Variants in LUZP2 observed in about 807,000 individuals in gnomAD.
The protein encoded by LUZP2 is leucine zipper protein 2.
A neutral mutation model predicts 51.6 loss-of-function variants in LUZP2; 52 were observed. The ratio of observed to expected loss-of-function variants is 1.01; its 90% CI spans 0.81 to 1.27. The LOEUF (loss-of-function observed/expected upper bound fraction) is 1.27, where lower values mean the gene tolerates loss of function less well. LUZP2 is among the 50% of genes most tolerant of loss of function. The probability of loss-of-function intolerance (pLI) is 0.00; values close to 1 mark genes in which losing one functional copy is unlikely to be tolerated. For missense variants in LUZP2, 436 were observed against 395.4 expected (o/e 1.10, Z -0.87); for synonymous variants, 154 against 137.3 (o/e 1.12, Z -0.85).
chr11:24,657,450 G>T (rs1460029450), intron 1 of LUZP2, among the ~76,000 whole-genome samples: 1 of 152,126 alleles, frequency 6.6e-6, no homozygotes, highest in East Asian at 1.9e-4. Flanking sequence ...AGCTATCTAT[G>T]ACAAACTCAC....
intron 1 of LUZP2, among the ~76,000 whole-genome samples, chr11:24,507,471 A>T (rs924722034): frequency 3.3e-5 from 5 of 152,102 alleles, no homozygotes; most frequent in African/African-American, 4.8e-5. Context: ...GAAAATAATT[A>T]TCCGCCTCAC....
At chr11:24,907,520 A>C (rs1487462945) in intron 6 of LUZP2, among the ~76,000 whole-genome samples, 1 of 152,128 alleles carries the variant, frequency 6.6e-6, no homozygotes, top group Non-Finnish European at 1.5e-5. Context: ...ATTTGAATAC[A>C]AATAGACTTG....
intron 8 of LUZP2, 44 bp downstream of exon 8, chr11:24,976,709 A>C (rs1280437202): frequency 6.2e-4 from 8 of 12,870 alleles, no homozygotes; most frequent in South Asian, 1.1e-3. Context: ...GTTTTAGCAA[A>C]AAAAAAAAAA....
chr11:25,006,684 G>A (rs940621929), intron 9 of LUZP2, among the ~76,000 whole-genome samples: 1 of 152,144 alleles, frequency 6.6e-6, no homozygotes, highest in Non-Finnish European at 1.5e-5. Flanking sequence ...CTCACCACTT[G>A]GCGATAGTCG....
chr11:24,607,997 C>T (rs925847389), intron 1 of LUZP2, among the ~76,000 whole-genome samples: 1 of 151,612 alleles, frequency 6.6e-6, no homozygotes, highest in African/African-American at 2.4e-5. Context: ...TACAGATGTC[C>T]GCCACCACGC....
At chr11:24,867,853 T>C (rs977757788) in intron 5 of LUZP2, among the ~76,000 whole-genome samples, 4 of 152,200 alleles carry the variant, frequency 2.6e-5, no homozygotes, top group African/African-American at 9.6e-5. Flanking sequence ...CTTTTTAAAA[T>C]GTAAATTTGG....
At chr11:24,879,586 T>G (rs1393922859) in intron 5 of LUZP2, among the ~76,000 whole-genome samples, 5 of 152,172 alleles carry the variant, frequency 3.3e-5, no homozygotes, top group African/African-American at 1.2e-4. Flanking sequence ...ATCTACTGTT[T>G]CCTGACTTTT....
chr11:24,895,870 G>T (rs1484547796), intron 5 of LUZP2, among the ~76,000 whole-genome samples: 1 of 152,176 alleles, frequency 6.6e-6, no homozygotes, highest in African/African-American at 2.4e-5. Context: ...TGGGATTGCT[G>T]AGTTGAACGG....
chr11:24,950,040 G>A (rs1054114150), intron 7 of LUZP2, among the ~76,000 whole-genome samples: 1 of 149,392 alleles, frequency 6.7e-6, no homozygotes, highest in Admixed American at 6.7e-5. Flanking sequence ...GTAATGGGTG[G>A]ATACCCATGA....
intron 1 of LUZP2, among the ~76,000 whole-genome samples, chr11:24,623,500 C>T (rs1259363581): frequency 6.6e-6 from 1 of 150,994 alleles, no homozygotes; most frequent in African/African-American, 2.4e-5. Flanking sequence ...AGATGGTCTA[C>T]TCCTTGTGAG....
chr11:24,581,521 A>T (rs1279942993), intron 1 of LUZP2, among the ~76,000 whole-genome samples: 1 of 125,880 alleles, frequency 7.9e-6, no homozygotes, highest in Non-Finnish European at 1.9e-5. Flanking sequence ...AAATACAAAA[A>T]TTACCCAGGT....
At chr11:24,757,074 G>A (rs762447239) in intron 4 of LUZP2, among the ~76,000 whole-genome samples, 12 of 152,182 alleles carry the variant, frequency 7.9e-5, no homozygotes, top group Non-Finnish European at 1.2e-4. Context: ...TGGGCATGTG[G>A]CCCACCAGGA....
At chr11:24,545,165 G>A (rs2133729786) in intron 1 of LUZP2, among the ~76,000 whole-genome samples, 1 of 149,320 alleles carries the variant, frequency 6.7e-6, no homozygotes, top group South Asian at 2.1e-4. Flanking sequence ...AATAGAAGTT[G>A]GATACTAGAT....
intron 5 of LUZP2, among the ~76,000 whole-genome samples, chr11:24,844,791 G>A (rs1851147346): frequency 6.6e-6 from 1 of 152,196 alleles, no homozygotes; most frequent in Non-Finnish European, 1.5e-5. Flanking sequence ...TGGCTTCAGA[G>A]GGTACAAGCC....
intron 7 of LUZP2, among the ~76,000 whole-genome samples, chr11:24,936,422 T>C (rs931876026): frequency 2.0e-5 from 3 of 152,204 alleles, no homozygotes; most frequent in Non-Finnish European, 2.9e-5. Flanking sequence ...ACCTTCACAA[T>C]GGAAGGCCGG....
chr11:24,738,580 G>C (rs1859025502), intron 4 of LUZP2, among the ~76,000 whole-genome samples: 1 of 151,988 alleles, frequency 6.6e-6, no homozygotes, highest in Admixed American at 6.6e-5. Context: ...TGGTGTCAGG[G>C]CTTCATCAGT....
intron 1 of LUZP2, among the ~76,000 whole-genome samples, chr11:24,572,314 C>T (rs189229237): frequency 1.8e-4 from 27 of 152,086 alleles, no homozygotes; most frequent in Non-Finnish European, 2.6e-4. Flanking sequence ...TTAGACTTTA[C>T]CAACCTTCTT....
intron 7 of LUZP2, among the ~76,000 whole-genome samples, chr11:24,919,906 G>A (rs1590731105): frequency 1.3e-5 from 2 of 151,522 alleles, no homozygotes. Context: ...TATACTGGAT[G>A]TTTTATTAAA....
intron 5 of LUZP2, among the ~76,000 whole-genome samples, chr11:24,788,570 T>G (rs920064035): frequency 1.3e-5 from 2 of 152,174 alleles, no homozygotes; most frequent in Non-Finnish European, 2.9e-5. Context: ...TCAGTTGATA[T>G]TCCTGTGTAT....
Sources: gnomAD v4.1 joint callset for allele counts (sites outside exome capture counted in the v4.1 genomes callset) on GRCh38, gnomAD v4.1.1 for gene constraint, MANE v1.5 for transcripts, NCBI Gene and HGNC (gene_info 2026-07-23, HGNC 2026-07-21) for gene names.